Variants in ZNF548 observed in about 807,000 individuals in gnomAD.
ZNF548 encodes the protein zinc finger protein 548.
ZNF548 carries 10 observed loss-of-function variants against 10.2 expected under a neutral mutation model. The ratio of observed to expected loss-of-function variants is 0.98; its 90% CI spans 0.60 to 1.66. The LOEUF is 1.66. Ranked by LOEUF, ZNF548 falls within the 40% of genes most tolerant of loss-of-function variation. The probability of loss-of-function intolerance (pLI) is 0.00; values close to 1 mark genes in which losing one functional copy is unlikely to be tolerated. For missense variants in ZNF548, 599 were observed against 657.0 expected (o/e 0.91, Z 0.97); for synonymous variants, 217 against 223.5 (o/e 0.97, Z 0.26).
intron 3 of ZNF548, chr19:57,397,473 C>T (rs2088675541): frequency 7.3e-6 from 3 of 412,370 alleles, no homozygotes; most frequent in Admixed American, 8.2e-5. Context: ...TGTCCAAACA[C>T]ATGAGACCTG....
chr19:57,398,314 A>G, intron 3 of ZNF548, 116 bp from the exon 4 acceptor site: 1 of 1,532,344 alleles, frequency 6.5e-7, no homozygotes, highest in South Asian at 1.3e-5. Context: ...CTTAATGTCC[A>G]TGATGTCCCC....
intron 1 of ZNF548, among the ~76,000 whole-genome samples, chr19:57,391,219 ACTTT>A (rs1325426139): frequency 6.6e-6 from 1 of 150,722 alleles, no homozygotes; most frequent in African/African-American, 2.4e-5. Flanking sequence ...TTGGTATTTG[ACTTT>A]CTGTTTCTGA....
At position 57,402,048 on chromosome 19, in the gene ZNF548, A is replaced by C. The variant is rs1387638319; in HGVS notation, c.*2159A>C. 1 of 152,140 alleles carries C rather than the reference A, an allele frequency of 6.6e-6. No homozygotes were observed. The highest frequency in any genetic ancestry group is 1.5e-5 in the Non-Finnish European group (1 of 68,014). The allele number at this position is 152,140 out of a possible 1,614,324, so 9.4% of individuals were successfully genotyped here. A position where few individuals can be genotyped will look rare whatever the true frequency, so the allele number is the denominator to read the frequency against. On this transcript the variant is annotated 3_prime_UTR_variant, in exon 4 of 4. Coordinates refer to ENST00000336128, the MANE Select transcript of ZNF548 (RefSeq NM_001172773.2). ...GTTGTAATGCACTGTGCCTGGCTAC[A>C]TTTAGATCTTTAATCTACTTGGGGT...
rs991382850 is a variant in ZNF548 at position 57,402,202 on chromosome 19, C to G, written c.*2313C>G. On this transcript the variant is annotated 3_prime_UTR_variant, in exon 4 of 4. Coordinates refer to ENST00000336128, the MANE Select transcript of ZNF548 (RefSeq NM_001172773.2). ...TGGCACACTTGTCAAAATCATTTGT[C>G]CATATATGCCATGGTTTATATGTGG... is the stretch of plus-strand genomic sequence containing the variant. 1 of 152,172 alleles carries G rather than the reference C, an allele frequency of 6.6e-6. No homozygotes were observed. Among genetic ancestry groups the G allele is most frequent in the Admixed American group, 6.5e-5 (1 of 15,274 alleles). The allele number at this position is 152,172 out of a possible 1,614,324, so 9.4% of individuals were successfully genotyped here. A position where few individuals can be genotyped will look rare whatever the true frequency, so the allele number is the denominator to read the frequency against.
Position 57,390,110 on chromosome 19 carries a change from C to G in ZNF548, c.11C>G (p.Thr4Ser). 1 of 1,608,648 alleles carries G rather than the reference C, an allele frequency of 6.2e-7. No homozygotes were observed. Among genetic ancestry groups the G allele is most frequent in the Non-Finnish European group, 8.5e-7 (1 of 1,179,448 alleles). The change falls in exon 1 of 4, where the codon ACT (threonine) becomes AGT (serine). Residue 4 changes from threonine (T) to serine (S), a missense_variant. Transcript: ENST00000336128. ...GCGGAGGCCTTGCTGATGAACCTGA[C>G]TGAGGTGGGTGTCCCGTCCCAGGCT... MNL[T>S]EGPLAMAEMD...
In ZNF548 at chr19:57,399,338, A is replaced by G; in HGVS notation, c.1087A>G (p.Thr363Ala). The G allele has an allele frequency of 6.2e-7, 1 of 1,613,972 alleles. No individual in the cohort carries two copies. Among genetic ancestry groups the G allele is most frequent in the Non-Finnish European group, 8.5e-7 (1 of 1,179,934 alleles). ...DCGKFFRYIS[T>A]LIRHQRIHTG... ...TGGGAAATTTTTTAGGTATATCTCC[A>G]CACTCATTAGACATCAGAGAATTCA... Residue 363 changes from threonine (T) to alanine (A), a missense_variant, in exon 4 of 4, where the codon ACA (threonine) becomes GCA (alanine). By Grantham distance (58) the Thr-to-Ala change is moderately conservative. Transcript: ENST00000336128. This position sits in a 1 kb window ranked among gnomAD's most constrained non-coding sequence, Gnocchi z 4.0.
rs2088699470 is a variant in ZNF548, at chr19:57,399,724, C to T, written c.1473C>T (p.Cys491=). 2 of 1,614,180 alleles carry T rather than the reference C, an allele frequency of 1.2e-6. No homozygotes were observed. The highest frequency in any genetic ancestry group is 2.2e-5 in the East Asian group (1 of 44,886). The change falls in exon 4 of 4, where the codon TGC becomes TGT. Residue 491 remains cysteine, a synonymous_variant. Transcript: ENST00000336128. The surrounding 1 kb of genome is among the most constrained non-coding windows in gnomAD (Gnocchi z 4.0). ...ACAGTGGAGAAAGACCTTATGAGTG[C>T]AGCGAATGCCAGAAGGCCTTTATTA... is the stretch of plus-strand genomic sequence containing the variant. ...KIHSGERPYE[C]SECQKAFIRK...
In ZNF548 at chr19:57,397,668, G is replaced by A. The variant is rs969524003; in HGVS notation, c.178+494G>A. ...CCATGGGCTTGATCTCTCTGGGCAT[G>A]TGCTCTTTACTCTTTTTCTCTTTCT... On this transcript the variant is annotated intron_variant, in intron 3 of 3. Coordinates refer to ENST00000336128, the MANE Select transcript of ZNF548 (RefSeq NM_001172773.2). Among the ~76,000 whole-genome samples, 4 of 152,186 alleles carry A rather than the reference G, an allele frequency of 2.6e-5. No individual in the cohort carries two copies. In the East Asian group the frequency reaches 5.8e-4, roughly 22 times the overall value.
intron 1 of ZNF548, among the ~76,000 whole-genome samples, chr19:57,391,436 G>GT (rs933767930): frequency 4.6e-5 from 7 of 151,366 alleles, no homozygotes; most frequent in Non-Finnish European, 7.4e-5. Context: ...AAAAATACAT[G>GT]TTTTTTTTAA....
chr19:57,391,789 G>GTTTTTTT lies in ZNF548; in HGVS notation c.15+1691_15+1697dup, dbSNP rs71186258. ...GAAAAATGTCTGCCCTGTGCTTACT[G>GTTTTTTT]TTTTTTTTTTTTTTTTTTTTTTGAA... On this transcript the variant is annotated intron_variant, in intron 1 of 3. Coordinates refer to ENST00000336128, the MANE Select transcript of ZNF548 (RefSeq NM_001172773.2). Among the ~76,000 whole-genome samples the GTTTTTTT allele has an allele frequency of 3.1e-3, 289 of 93,450 alleles. 2 individuals are homozygous for GTTTTTTT. Among genetic ancestry groups the GTTTTTTT allele is most frequent in the Non-Finnish European group, 3.5e-3 (176 of 49,784 alleles). 61.3% of individuals were successfully genotyped at this position (93,450 alleles called of 152,430 possible). A position where few individuals can be genotyped will look rare whatever the true frequency, so the allele number is the denominator to read the frequency against.
chr19:57,398,399 A>C, intron 3 of ZNF548, 31 bp from the exon 4 acceptor site: 1 of 1,603,294 alleles, frequency 6.2e-7, no homozygotes, highest in Non-Finnish European at 8.5e-7. Context: ...CAGAGTCAAC[A>C]TGCACTTCTC....
chr19:57,392,236 A>C (rs1274573282), intron 1 of ZNF548, among the ~76,000 whole-genome samples: 1 of 152,050 alleles, frequency 6.6e-6, no homozygotes, highest in Non-Finnish European at 1.5e-5. Flanking sequence ...CCCATTTTTC[A>C]GGTTGTACAT....
At chr19:57,396,293 C>T (rs2088664053) in intron 2 of ZNF548, among the ~76,000 whole-genome samples, 1 of 152,196 alleles carries the variant, frequency 6.6e-6, no homozygotes, top group Admixed American at 6.5e-5. Flanking sequence ...TCCATGGCAA[C>T]TGGCTGGCAG....
rs2088637110 is a variant in ZNF548 at position 57,392,923 on chromosome 19, T to C, written c.16-1265T>C. 5 of 985,564 alleles carry C rather than the reference T, an allele frequency of 5.1e-6. No individual in the cohort carries two copies. In the South Asian group the frequency reaches 1.9e-4, roughly 37 times the overall value. 61.1% of individuals were successfully genotyped at this position (985,564 alleles called of 1,614,324 possible). On this transcript the variant is annotated intron_variant, in intron 1 of 3. Coordinates refer to ENST00000336128, the MANE Select transcript of ZNF548 (RefSeq NM_001172773.2). ...GGCATAACAGGGATTCTGGATTGCA[T>C]CTGTAAAAAGGGAGGCCTGGACTGG...
Position 57,400,002 on chromosome 19 carries a change from C to A in ZNF548, c.*113C>A. ...AATGCTGTACCCATTAACAACAACT[C>A]ATTCCCCTTCCCTACTTCCCCAGAA... On this transcript the variant is annotated 3_prime_UTR_variant, in exon 4 of 4. Transcript: ENST00000336128. The A allele has an allele frequency of 1.2e-6, 1 of 803,822 alleles. No individual in the cohort carries two copies. Among genetic ancestry groups the A allele is most frequent in the Non-Finnish European group, 1.9e-6 (1 of 525,126 alleles). 49.8% of individuals were successfully genotyped at this position (803,822 alleles called of 1,614,324 possible).
At chr19:57,398,122 A>C (rs1372615634) in intron 3 of ZNF548, among the ~76,000 whole-genome samples, 1 of 152,142 alleles carries the variant, frequency 6.6e-6, no homozygotes, top group African/African-American at 2.4e-5. Flanking sequence ...CCTTCTACAC[A>C]CTGCTTGCCA....
In ZNF548 at chr19:57,399,163, C is replaced by T; in HGVS notation, c.912C>T (p.Tyr304=). The T allele has an allele frequency of 6.2e-7, 1 of 1,614,048 alleles. No homozygotes were observed. The highest frequency in any genetic ancestry group is 8.5e-7 in the Non-Finnish European group (1 of 1,180,016). The part of the protein sequence containing the change: ...ECNTCGKFFR[Y]SSTFVRHQRV... ...ACACATGTGGGAAATTCTTTCGGTA[C>T]AGCTCCACATTTGTTAGACATCAGA... Residue 304 remains tyrosine (Y), a synonymous_variant, in exon 4 of 4, where the codon TAC becomes TAT. Transcript: ENST00000336128. This position sits in a 1 kb window ranked among gnomAD's most constrained non-coding sequence, Gnocchi z 4.0.
rs1290195204 is a variant in ZNF548, at chr19:57,400,218, T to G, written c.*329T>G. On this transcript the variant is annotated 3_prime_UTR_variant, in exon 4 of 4. Coordinates refer to ENST00000336128, the MANE Select transcript of ZNF548 (RefSeq NM_001172773.2). The stretch of plus-strand genomic sequence containing the variant: ...GTATAATGTGTCAGAATATCCTTCC[T>G]TTTTAGGTGAAATAATATTCTATGG... The G allele has an allele frequency of 1.3e-5, 3 of 223,986 alleles. No individual in the cohort carries two copies. The highest frequency in any genetic ancestry group is 2.7e-5 in the Non-Finnish European group (3 of 113,068). 13.9% of individuals were successfully genotyped at this position (223,986 alleles called of 1,614,324 possible). A position where few individuals can be genotyped will look rare whatever the true frequency, so the allele number is the denominator to read the frequency against.
chr19:57,390,333 G>A lies in ZNF548; in HGVS notation c.15+219G>A, dbSNP rs371882649. The A allele has an allele frequency of 4.3e-5, 19 of 437,548 alleles. 3 individuals carry two copies. Among genetic ancestry groups the A allele is most frequent in the African/African-American group, 3.0e-4 (15 of 50,094 alleles). The allele number at this position is 437,548 out of a possible 1,614,324, so 27.1% of individuals were successfully genotyped here. A position where few individuals can be genotyped will look rare whatever the true frequency, so the allele number is the denominator to read the frequency against. On this transcript the variant is annotated intron_variant, in intron 1 of 3. Transcript: ENST00000336128. Reference sequence around the variant, plus strand: ...GAGTGGGCTGTGTTGGGGCGTCAGGGGTGTGTGTTGTTTCTGCGGGAAAGA... The same window carrying A: ...GAGTGGGCTGTGTTGGGGCGTCAGGAGTGTGTGTTGTTTCTGCGGGAAAGA...
Sources: allele counts gnomAD v4.1 joint callset (sites outside exome capture counted in the v4.1 genomes callset), GRCh38; gene constraint gnomAD v4.1.1; non-coding constraint Gnocchi (gnomAD v3.1); transcripts MANE v1.5; gene names NCBI Gene and HGNC (gene_info 2026-07-23, HGNC 2026-07-21).